CCDC148: variants seen among roughly 807,000 people sequenced by gnomAD.
The protein encoded by CCDC148 is coiled-coil domain-containing protein 148.
A neutral mutation model predicts 85.7 loss-of-function variants in CCDC148; 89 were observed. The observed-to-expected ratio is 1.04, with a 90% CI of 0.87 to 1.24. CCDC148 has a LOEUF of 1.24. CCDC148 is among the 50% of genes most tolerant of loss of function. The pLI is 0.00. For synonymous variants in CCDC148, 230 were observed against 213.9 expected, an observed-to-expected ratio of 1.08 and a Z score of -0.66; for missense variants, 692 against 671.7, an observed-to-expected ratio of 1.03 and a Z score of -0.33.
chr2:158,373,590 T>A (rs1177322311), intron 1 of CCDC148, among the ~76,000 whole-genome samples: 1 of 152,060 alleles, frequency 6.6e-6, no homozygotes, highest in Non-Finnish European at 1.5e-5. Flanking sequence ...CTTTCCCTTG[T>A]ACTACTATTA....
chr2:158,352,407 G>T (rs527513896), intron 2 of CCDC148, among the ~76,000 whole-genome samples: 1 of 152,188 alleles, frequency 6.6e-6, no homozygotes, highest in South Asian at 2.1e-4. Flanking sequence ...GAAAACCAAG[G>T]CTCGAGAACT....
At chr2:158,337,716 T>C (rs1261029260) in intron 7 of CCDC148, among the ~76,000 whole-genome samples, 2 of 152,098 alleles carry the variant, frequency 1.3e-5, no homozygotes, top group African/African-American at 4.8e-5. Context: ...CAGCTCTATT[T>C]ACTGACAAGA....
intron 9 of CCDC148, among the ~76,000 whole-genome samples, chr2:158,273,082 C>T (rs1329545973): frequency 1.3e-5 from 2 of 152,048 alleles, no homozygotes; most frequent in African/African-American, 4.8e-5. Context: ...AAGTGAGTAA[C>T]TGGCTATGAA....
At chr2:158,229,039 A>T (rs1687717119) in intron 10 of CCDC148, among the ~76,000 whole-genome samples, 1 of 151,674 alleles carries the variant, frequency 6.6e-6, no homozygotes, top group South Asian at 2.1e-4. Flanking sequence ...AAATACAGGC[A>T]ACTTCAGCCT....
chr2:158,420,756 A>G (rs899603410), intron 1 of CCDC148, among the ~76,000 whole-genome samples: 6 of 152,204 alleles, frequency 3.9e-5, no homozygotes, highest in African/African-American at 7.2e-5. Flanking sequence ...CTAAATGTAA[A>G]TGGGCTAAAT....
In CCDC148 at chr2:158,273,694, G is replaced by C. The variant is rs116484786; in HGVS notation, c.1111-22782C>G. ...CCACAGTGATTCTGGGTTCCTTACA[G>C]AAATGAATCATGCTTATTACTTGCT... On this transcript the variant is annotated intron_variant, in intron 9 of 13. Transcript: ENST00000283233. Among the ~76,000 whole-genome samples the C allele has an allele frequency of 2.3e-3, 348 of 152,224 alleles. 1 individual carries two copies. Among genetic ancestry groups the C allele is most frequent in the Middle Eastern group, 6.8e-3 (2 of 294 alleles).
chr2:158,214,681 G>A (rs79906043), intron 11 of CCDC148, among the ~76,000 whole-genome samples: 8,584 of 151,974 alleles, frequency 0.056, 350 homozygotes, highest in African/African-American at 0.12. Context: ...TCTGCTTCCC[G>A]CTGTCACTTC....
intron 9 of CCDC148, among the ~76,000 whole-genome samples, chr2:158,274,315 C>T (rs1689827922): frequency 6.6e-6 from 1 of 152,106 alleles, no homozygotes; most frequent in Admixed American, 6.5e-5. Flanking sequence ...ATGTTATAGA[C>T]TATGTCCCTG....
chr2:158,204,790 A>G (rs1053460324), intron 11 of CCDC148, among the ~76,000 whole-genome samples: 2 of 152,230 alleles, frequency 1.3e-5, no homozygotes. Context: ...AACTTCAACA[A>G]GAGGCCAAAG....
In CCDC148 at chr2:158,365,603, C is replaced by A. The variant is rs1162577301; in HGVS notation, c.26-7033G>T. Among the ~76,000 whole-genome samples, 4 of 152,100 alleles carry A rather than the reference C, an allele frequency of 2.6e-5. No homozygotes were observed. The East Asian group carries it at 5.8e-4, about 22-fold the overall frequency. On this transcript the variant is annotated intron_variant, in intron 1 of 13. Transcript: ENST00000283233. ...TTTTCACTCATAAGTGGGAGTTGAA[C>A]AATGAAAACACATGGACACAGGGAG...
intron 1 of CCDC148, among the ~76,000 whole-genome samples, chr2:158,454,384 G>C (rs1688521014): frequency 1.3e-5 from 2 of 152,206 alleles, no homozygotes; most frequent in Admixed American, 6.5e-5. Context: ...GCAAAATCCT[G>C]GTAGAGAGAA....
intron 11 of CCDC148, among the ~76,000 whole-genome samples, chr2:158,181,274 T>C (rs1479232535): frequency 6.6e-6 from 1 of 152,114 alleles, no homozygotes; most frequent in African/African-American, 2.4e-5. Context: ...GAGGAAGAAA[T>C]TGCAAATGAG....
chr2:158,211,607 T>C (rs915406446), intron 11 of CCDC148, among the ~76,000 whole-genome samples: 1 of 152,046 alleles, frequency 6.6e-6, no homozygotes, highest in African/African-American at 2.4e-5. Context: ...AAATCAAAAA[T>C]CAAAGTTGTA....
At chr2:158,321,856 T>C (rs908360864) in intron 7 of CCDC148, among the ~76,000 whole-genome samples, 1 of 152,174 alleles carries the variant, frequency 6.6e-6, no homozygotes, top group African/African-American at 2.4e-5. Flanking sequence ...AGGTTTATTA[T>C]GAAAACTATG....
intron 9 of CCDC148, among the ~76,000 whole-genome samples, chr2:158,284,271 A>G (rs1209409368): frequency 6.6e-6 from 1 of 151,016 alleles, no homozygotes; most frequent in African/African-American, 2.4e-5. Context: ...AACTTAAAGT[A>G]TAATAATAAA....
intron 9 of CCDC148, among the ~76,000 whole-genome samples, chr2:158,304,961 A>G (rs1691613234): frequency 6.6e-6 from 1 of 152,212 alleles, no homozygotes; most frequent in South Asian, 2.1e-4. Context: ...ATGAGACTAT[A>G]GAACCTGTGG....
intron 1 of CCDC148, among the ~76,000 whole-genome samples, chr2:158,401,756 G>C (rs1685794771): frequency 6.6e-6 from 1 of 151,992 alleles, no homozygotes; most frequent in African/African-American, 2.4e-5. Context: ...TCCTCAAGTT[G>C]ATTCTGACTC....
At chr2:158,221,946 A>G (rs1463613628) in intron 10 of CCDC148, among the ~76,000 whole-genome samples, 1 of 152,158 alleles carries the variant, frequency 6.6e-6, no homozygotes, top group East Asian at 1.9e-4. Context: ...GGAGTGTTCT[A>G]GAGTCCTAAC....
At chr2:158,249,437 T>C (rs989739445) in intron 10 of CCDC148, among the ~76,000 whole-genome samples, 2 of 152,184 alleles carry the variant, frequency 1.3e-5, no homozygotes, top group African/African-American at 4.8e-5. Context: ...TGGAGGTACA[T>C]GTAATTATTC....
Sources: allele counts gnomAD v4.1 joint callset (sites outside exome capture counted in the v4.1 genomes callset), GRCh38; gene constraint gnomAD v4.1.1; transcripts MANE v1.5; gene names NCBI Gene and HGNC (gene_info 2026-07-23, HGNC 2026-07-21).